The following DRC4 variants were observed in gnomAD, a reference collection of about 807,000 sequenced individuals.
DRC4 encodes GAS-11.
chr16:90,031,315 G>T, the DRC4 span: 1 of 1,612,856 alleles, frequency 6.2e-7, no homozygotes, highest in Non-Finnish European at 8.5e-7. Context: ...GAGCATGTCA[G>T]CCGCATCCGG....
the DRC4 span, chr16:90,043,479 ATCC>A: frequency 1.1e-6 from 1 of 927,912 alleles, no homozygotes; most frequent in East Asian, 2.6e-5. Flanking sequence ...TGTTCTTGCC[ATCC>A]TCTTTCCTGG....
the DRC4 span, chr16:90,043,647 C>A: frequency 2.6e-4 from 151 of 572,612 alleles, no homozygotes; most frequent in Non-Finnish European, 4.7e-4. Flanking sequence ...CCCGCACTCA[C>A]CTGGGGGTTG....
the DRC4 span, chr16:90,036,805 C>G: frequency 2.0e-4 from 137 of 677,980 alleles, no homozygotes; most frequent in Non-Finnish European, 2.3e-4. Context: ...TTGCCCTCAC[C>G]GTAGTGCAGA....
the DRC4 span, chr16:90,027,692 G>A: frequency 2.5e-5 from 41 of 1,614,200 alleles, no homozygotes; most frequent in Non-Finnish European, 3.4e-5. Context: ...TTGTCGATGG[G>A]CTCGCTCCAG....
At chr16:90,040,540 G>C in the DRC4 span, 34 of 1,544,252 alleles carry the variant, frequency 2.2e-5, no homozygotes, top group Non-Finnish European at 2.7e-5. Context: ...TGACCCCAGT[G>C]GGCGGCCTCA....
the DRC4 span, chr16:90,029,049 C>T: frequency 9.0e-6 from 11 of 1,226,708 alleles, no homozygotes; most frequent in South Asian, 2.9e-5. Flanking sequence ...TTGAACACTG[C>T]GTTGTCCCAG....
chr16:90,039,610 C>T, the DRC4 span, among the ~76,000 whole-genome samples: 5 of 152,120 alleles, frequency 3.3e-5, no homozygotes, highest in Non-Finnish European at 7.3e-5. Flanking sequence ...TGGTCTCGAA[C>T]TCCTGACCTC....
the DRC4 span, chr16:90,029,523 G>A: frequency 2.8e-5 from 10 of 360,192 alleles, no homozygotes; most frequent in East Asian, 8.9e-4. Context: ...CTGCCCAGGA[G>A]CCTCTAAAGG....
At chr16:90,030,756 A>G in the DRC4 span, among the ~76,000 whole-genome samples, 2 of 151,982 alleles carry the variant, frequency 1.3e-5, no homozygotes, top group South Asian at 2.1e-4. Flanking sequence ...AGCTGAGACT[A>G]TAGGTGCGTG....
At chr16:90,040,245 C>A in the DRC4 span, 4 of 1,508,140 alleles carry the variant, frequency 2.7e-6, no homozygotes, top group South Asian at 3.6e-5. Flanking sequence ...ATCTTCCCAG[C>A]GAGATGTCCC....
chr16:90,040,547 C>G, the DRC4 span: 2 of 1,520,694 alleles, frequency 1.3e-6, no homozygotes, highest in South Asian at 2.4e-5. Flanking sequence ...AGTGGGCGGC[C>G]TCATCCCTGT....
chr16:90,020,135 T>TAC, the DRC4 span: 1 of 593,278 alleles, frequency 1.7e-6, no homozygotes. Context: ...GCAAATTATA[T>TAC]ACACATTAGA....
the DRC4 span, chr16:90,035,542 G>T: frequency 1.3e-6 from 2 of 1,567,012 alleles, no homozygotes; most frequent in South Asian, 2.2e-5. Flanking sequence ...ATATGGAGGT[G>T]ACCAAAACCA....
chr16:90,038,208 C>T, the DRC4 span, among the ~76,000 whole-genome samples: 2 of 152,212 alleles, frequency 1.3e-5, no homozygotes, highest in Admixed American at 6.5e-5. Flanking sequence ...GAGGGAGGCT[C>T]TTAAGTGTAA....
chr16:90,024,125 C>CAT, the DRC4 span, among the ~76,000 whole-genome samples: 1 of 148,582 alleles, frequency 6.7e-6, no homozygotes, highest in Non-Finnish European at 1.5e-5. Flanking sequence ...ACTAAAAATA[C>CAT]ACACACACAC....
chr16:90,035,971 G>A, the DRC4 span: 4 of 1,303,998 alleles, frequency 3.1e-6, no homozygotes, highest in African/African-American at 3.0e-5. Context: ...AGTGCCGTGG[G>A]CAGCCTTCTT....
the DRC4 span, among the ~76,000 whole-genome samples, chr16:90,025,297 G>C: frequency 6.6e-6 from 1 of 151,044 alleles, no homozygotes. Flanking sequence ...GGGATGACAG[G>C]TGTGAGCCAC....
chr16:90,025,007 TTC>T, the DRC4 span, among the ~76,000 whole-genome samples: 6 of 147,424 alleles, frequency 4.1e-5, no homozygotes, highest in South Asian at 2.2e-4. Context: ...ACATAATATT[TTC>T]TCTCTCTCTT....
the DRC4 span, chr16:90,040,016 G>C: frequency 2.2e-6 from 1 of 462,204 alleles, no homozygotes; most frequent in Non-Finnish European, 4.0e-6. Context: ...TTTCAGGGTG[G>C]GGCTGCTTCA....
Sources: gnomAD v4.1 joint callset for allele counts (sites outside exome capture counted in the v4.1 genomes callset) on GRCh38, gnomAD v4.1.1 for gene constraint, MANE v1.5 for transcripts, NCBI Gene and HGNC (gene_info 2026-07-23, HGNC 2026-07-21) for gene names.